Variants in LRRC72 observed in about 807,000 individuals in gnomAD.
LRRC72 encodes leucine-rich repeat-containing protein 72.
LRRC72 carries 41 observed loss-of-function variants against 35.8 expected under a neutral mutation model. That is an observed-to-expected ratio of 1.15 (90% CI 0.89 to 1.49). LRRC72 has a LOEUF of 1.49. Among genes scored for constraint, LRRC72 ranks in the 40% most tolerant of loss-of-function variants. LRRC72 has a pLI of 0.00. For synonymous variants in LRRC72, 118 were observed against 119.2 expected (o/e 0.99, Z 0.07); for missense variants, 389 against 330.7 (o/e 1.18, Z -1.37).
chr7:16,567,529 A>G lies in LRRC72; in HGVS notation c.656A>G (p.Gln219Arg). 1 of 1,444,948 alleles carries G rather than the reference A, an allele frequency of 6.9e-7. No individual in the cohort carries two copies. The highest frequency in any genetic ancestry group is 9.1e-7 in the Non-Finnish European group (1 of 1,096,790). 89.5% of individuals were successfully genotyped at this position (1,444,948 alleles called of 1,614,324 possible). A position where few individuals can be genotyped will look rare whatever the true frequency, so the allele number is the denominator to read the frequency against. Residue 219 changes from glutamine (Q) to arginine (R), a missense_variant, in exon 7 of 9, where the codon CAG becomes CGG. Gln to Arg is a conservative substitution (Grantham distance 43, BLOSUM62 1). Transcript: ENST00000401542. ...TCACCATTTAAGCAAAAACCAGCCC[A>G]GAGAGTACCTTCAGGTATTTCGTAA... ...PKSPFKQKPA[Q>R]RVPSDFAFAN...
intron 2 of LRRC72, among the ~76,000 whole-genome samples, chr7:16,535,331 T>C (rs921128054): frequency 1.3e-5 from 2 of 152,140 alleles, no homozygotes; most frequent in African/African-American, 2.4e-5. Context: ...ATAATTGTTT[T>C]AAGTGATAAA....
chr7:16,569,149 C>A (rs896447404), intron 7 of LRRC72, among the ~76,000 whole-genome samples: 11 of 152,124 alleles, frequency 7.2e-5, no homozygotes, highest in Non-Finnish European at 1.5e-4. Flanking sequence ...GACAGGTGGC[C>A]AGGTGCGGTG....
At chr7:16,569,783 C>G (rs997287400) in intron 7 of LRRC72, among the ~76,000 whole-genome samples, 1 of 152,042 alleles carries the variant, frequency 6.6e-6, no homozygotes, top group Non-Finnish European at 1.5e-5. Flanking sequence ...GTAATCCCAG[C>G]ACTTTGGGAG....
chr7:16,580,539 G>C (rs1783122829), intron 8 of LRRC72, among the ~76,000 whole-genome samples: 1 of 152,110 alleles, frequency 6.6e-6, no homozygotes, highest in Admixed American at 6.5e-5. Flanking sequence ...AGCTACTCAG[G>C]AGACTGAGGC....
intron 1 of LRRC72, chr7:16,530,644 G>A (rs770075361): frequency 5.3e-5 from 8 of 152,176 alleles, no homozygotes; most frequent in Non-Finnish European, 8.8e-5. Context: ...TCCAATTAGT[G>A]GGGACTATTT....
chr7:16,573,244 T>G (rs1016089655), intron 7 of LRRC72, among the ~76,000 whole-genome samples: 1 of 152,198 alleles, frequency 6.6e-6, no homozygotes, highest in Non-Finnish European at 1.5e-5. Flanking sequence ...AATTTACAGA[T>G]TCAATGCTAT....
At chr7:16,543,129 T>C (rs1782386224) in intron 3 of LRRC72, among the ~76,000 whole-genome samples, 1 of 152,240 alleles carries the variant, frequency 6.6e-6, no homozygotes, top group African/African-American at 2.4e-5. Context: ...TTAACTATTA[T>C]AATATTTCAT....
intron 2 of LRRC72, among the ~76,000 whole-genome samples, chr7:16,534,926 G>T (rs1782227314): frequency 6.6e-6 from 1 of 152,212 alleles, no homozygotes; most frequent in South Asian, 2.1e-4. Flanking sequence ...GGCCAGACGT[G>T]GTGGCTTACG....
In LRRC72 at chr7:16,566,365, C is replaced by A; in HGVS notation, c.480C>A (p.Ile160=). 2 of 1,547,486 alleles carry A rather than the reference C, an allele frequency of 1.3e-6. No individual in the cohort carries two copies. Among genetic ancestry groups the A allele is most frequent in the Non-Finnish European group, 1.7e-6 (2 of 1,145,812 alleles). The change falls in exon 6 of 9, where the codon ATC becomes ATA. Residue 160 remains isoleucine (I), a synonymous_variant. Transcript: ENST00000401542. The part of the protein sequence containing the change: ...CQYNLYRLYI[I]YHLPGVELLD... ...ATAACCTGTATCGTTTATATATCAT[C>A]TACCACCTTCCAGGAGTGGAGCTGC... is the stretch of plus-strand genomic sequence containing the variant.
At chr7:16,566,442 T>C in intron 6 of LRRC72, 40 bp downstream of exon 6, 5 of 1,362,358 alleles carry the variant, frequency 3.7e-6, no homozygotes, top group African/African-American at 1.5e-5. Context: ...ATTTGAGAAG[T>C]AGTCTTATAG....
At chr7:16,562,341 C>G (rs1782757510) in intron 5 of LRRC72, among the ~76,000 whole-genome samples, 1 of 152,186 alleles carries the variant, frequency 6.6e-6, no homozygotes, top group Non-Finnish European at 1.5e-5. Flanking sequence ...CTCCTGCCCC[C>G]TTTCCAGTAC....
Position 16,526,906 on chromosome 7 carries a change from G to A in LRRC72, c.-47G>A. On this transcript the variant is annotated 5_prime_UTR_variant, in exon 1 of 9. Coordinates refer to ENST00000401542, the MANE Select transcript of LRRC72 (RefSeq NM_001195280.2). ...AAGTCTCTCTTCGGTGCCACCGGCG[G>A]GCGAGGCCGGATTAATCACCGCTGC... 6.8e-7 allele frequency: 1 copy of A among 1,470,912 alleles called. No individual in the cohort carries two copies. Among genetic ancestry groups the A allele is most frequent in the Non-Finnish European group, 9.2e-7 (1 of 1,087,156 alleles). The allele number at this position is 1,470,912 out of a possible 1,614,324, so 91.1% of individuals were successfully genotyped here. A position where few individuals can be genotyped will look rare whatever the true frequency, so the allele number is the denominator to read the frequency against.
chr7:16,555,122 G>C (rs1782628125), intron 3 of LRRC72, among the ~76,000 whole-genome samples: 1 of 152,122 alleles, frequency 6.6e-6, no homozygotes, highest in Non-Finnish European at 1.5e-5. Flanking sequence ...TCCTATCTTG[G>C]GGAAACACGG....
chr7:16,551,866 C>T (rs921863765), intron 3 of LRRC72, among the ~76,000 whole-genome samples: 12 of 152,126 alleles, frequency 7.9e-5, no homozygotes, highest in African/African-American at 2.9e-4. Flanking sequence ...CCCCAATTAA[C>T]AGCCAGTTGG....
intron 3 of LRRC72, among the ~76,000 whole-genome samples, chr7:16,539,612 A>G (rs1382186573): frequency 6.6e-6 from 1 of 152,204 alleles, no homozygotes; most frequent in African/African-American, 2.4e-5. Flanking sequence ...AATGGGGAGA[A>G]TGTCTCCAGG....
At chr7:16,557,842 C>A (rs376616090) in intron 4 of LRRC72, among the ~76,000 whole-genome samples, 2 of 152,122 alleles carry the variant, frequency 1.3e-5, no homozygotes, top group Non-Finnish European at 2.9e-5. Context: ...ATGCAAAACA[C>A]TCTCAAAACT....
At chr7:16,566,441 G>T in intron 6 of LRRC72, 39 bp downstream of exon 6, 1 of 1,384,756 alleles carries the variant, frequency 7.2e-7, no homozygotes, top group Non-Finnish European at 9.9e-7. Context: ...TATTTGAGAA[G>T]TAGTCTTATA....
chr7:16,554,321 C>G (rs575257891), intron 3 of LRRC72, among the ~76,000 whole-genome samples: 1 of 152,148 alleles, frequency 6.6e-6, no homozygotes, highest in Non-Finnish European at 1.5e-5. Flanking sequence ...CAGAGTGAGA[C>G]TCCATCTCAA....
rs777838262 is a variant in LRRC72 at position 16,566,443 on chromosome 7, A to G, written c.517+41A>G. ...TCTTGCAAAGAAATATTTGAGAAGT[A>G]GTCTTATAGCTCAGCGGTTTAAAAA... On this transcript the variant is annotated intron_variant, in intron 6 of 8. Transcript: ENST00000401542. 2.1e-5 allele frequency: 29 copies of G among 1,364,482 alleles called. No homozygotes were observed. The Admixed American group carries it at 4.0e-4, about 19-fold the overall frequency. The allele number at this position is 1,364,482 out of a possible 1,614,324, so 84.5% of individuals were successfully genotyped here.
Sources: allele counts gnomAD v4.1 joint callset (sites outside exome capture counted in the v4.1 genomes callset), GRCh38; gene constraint gnomAD v4.1.1; transcripts MANE v1.5; gene names NCBI Gene and HGNC (gene_info 2026-07-23, HGNC 2026-07-21).